PSPC1: variants seen among roughly 807,000 people sequenced by gnomAD.
The protein encoded by PSPC1 is paraspeckle component 1, also known as paraspeckle protein 1.
In PSPC1, 14 loss-of-function variants were observed where a neutral mutation model predicts 51.6. The ratio of observed to expected loss-of-function variants is 0.27; its 90% CI spans 0.18 to 0.42. The LOEUF (loss-of-function observed/expected upper bound fraction) is 0.42. Among genes scored for constraint, PSPC1 ranks in the 10% least tolerant of loss-of-function variants. The pLI, the probability that PSPC1 is intolerant of heterozygous loss-of-function variation, is 1.00. For missense variants in PSPC1, 406 were observed against 701.1 expected (o/e 0.58, Z 4.75); for synonymous variants, 193 against 231.9 (o/e 0.83, Z 1.53).
rs377365082 is a variant in PSPC1, at chr13:19,741,435, G to T, written c.1052+130C>A. The T allele has an allele frequency of 3.2e-5, 20 of 618,422 alleles. No homozygotes were observed. The African/African-American group carries it at 3.5e-4, about 11-fold the overall frequency. 38.3% of individuals were successfully genotyped at this position (618,422 alleles called of 1,614,324 possible). ...ATGCTACATTATGAAGTAATTCACTGTATGTGGTTAAAATGGGCAATTTTT... is the reference window on the plus strand; with the variant it reads ...ATGCTACATTATGAAGTAATTCACTTTATGTGGTTAAAATGGGCAATTTTT... On this transcript the variant is annotated intron_variant, in intron 5 of 8. Coordinates refer to ENST00000338910, the MANE Select transcript of PSPC1 (RefSeq NM_001354909.2).
intron 2 of PSPC1, 92 bp from the exon 3 acceptor site, chr13:19,759,510 T>C: frequency 2.3e-6 from 2 of 876,188 alleles, no homozygotes; most frequent in Non-Finnish European, 3.5e-6. Context: ...TAAAGATATA[T>C]ACTTAGAAAA....
At chr13:19,700,205 T>A (rs1879737477), downstream of PSPC1, among the ~76,000 whole-genome samples, 1 of 152,094 alleles carries the variant, frequency 6.6e-6, no homozygotes, top group South Asian at 2.1e-4. Flanking sequence ...TTAGAGACTC[T>A]ACATATAAGT....
chr13:19,712,944 C>A (rs1162155979), intron 6 of PSPC1, among the ~76,000 whole-genome samples: 11 of 152,034 alleles, frequency 7.2e-5, no homozygotes, highest in African/African-American at 2.4e-4. Flanking sequence ...AGAAAACCAC[C>A]GCTACAAACT....
At chr13:19,780,302 T>G (rs1360607543) in intron 1 of PSPC1, among the ~76,000 whole-genome samples, 5 of 138,398 alleles carry the variant, frequency 3.6e-5, no homozygotes, top group African/African-American at 1.3e-4. Context: ...CCACCCCGTC[T>G]GGGAGGTGTG....
At chr13:19,760,627 G>A (rs972426551) in intron 2 of PSPC1, among the ~76,000 whole-genome samples, 2 of 152,082 alleles carry the variant, frequency 1.3e-5, no homozygotes, top group Non-Finnish European at 2.9e-5. Flanking sequence ...CAGAGGCGGG[G>A]AAGATGGCTT....
chr13:19,767,551 T>C (rs1166948150), intron 2 of PSPC1, among the ~76,000 whole-genome samples: 1 of 152,146 alleles, frequency 6.6e-6, no homozygotes, highest in East Asian at 1.9e-4. Context: ...TGGATGATTA[T>C]ACTACCTGAT....
chr13:19,692,017 C>A (rs766867975), intron 6 of PSPC1, among the ~76,000 whole-genome samples: 1 of 152,090 alleles, frequency 6.6e-6, no homozygotes, highest in African/African-American at 2.4e-5. Flanking sequence ...GTTGGAAAGG[C>A]GGACCAAATC....
intron 4 of PSPC1, among the ~76,000 whole-genome samples, chr13:19,745,619 A>ATTT (rs1162271178): frequency 1.4e-5 from 2 of 140,754 alleles, no homozygotes; most frequent in African/African-American, 2.6e-5. Flanking sequence ...CACTGAATTA[A>ATTT]TTTTTTTTTT....
At chr13:19,694,345 A>G (rs111292764) in intron 6 of PSPC1, among the ~76,000 whole-genome samples, 313 of 152,168 alleles carry the variant, frequency 2.1e-3, no homozygotes, top group Non-Finnish European at 3.4e-3. Flanking sequence ...GCCAAGAAAA[A>G]TATTTCAAAC....
rs764181119 is a variant in PSPC1 at position 19,730,354 on chromosome 13, T to G, written c.1053-10A>C. Reference sequence around the variant, plus strand: ...ATGCTCCTCTTCATGTCTGAAAATTTTTCAAATAAAAATTTCAGCATCATA... The same window carrying G: ...ATGCTCCTCTTCATGTCTGAAAATTGTTCAAATAAAAATTTCAGCATCATA... On this transcript the variant is annotated splice_polypyrimidine_tract_variant and intron_variant, in intron 5 of 8. Coordinates refer to ENST00000338910, the MANE Select transcript of PSPC1 (RefSeq NM_001354909.2). 1 of 1,613,248 alleles carries G rather than the reference T, an allele frequency of 6.2e-7. No individual in the cohort carries two copies. The highest frequency in any genetic ancestry group is 2.2e-5 in the East Asian group (1 of 44,864).
At chr13:19,701,095 T>C (rs1185034672), downstream of PSPC1, among the ~76,000 whole-genome samples, 2 of 152,126 alleles carry the variant, frequency 1.3e-5, no homozygotes, top group African/African-American at 4.8e-5. Context: ...TAGAACTCTG[T>C]TCTTGGTGCC....
At chr13:19,693,903 C>G (rs1341865284) in intron 6 of PSPC1, among the ~76,000 whole-genome samples, 2 of 152,142 alleles carry the variant, frequency 1.3e-5, no homozygotes, top group South Asian at 4.1e-4. Context: ...ATGGGCGGAT[C>G]ACGAGGTCAG....
At chr13:19,769,446 TC>T (rs1888405863) in intron 2 of PSPC1, among the ~76,000 whole-genome samples, 1 of 152,116 alleles carries the variant, frequency 6.6e-6, no homozygotes, top group African/African-American at 2.4e-5. Flanking sequence ...TCCCAGCTAC[TC>T]GGGAGGCTGA....
At chr13:19,754,770 T>C (rs1343152535) in intron 3 of PSPC1, among the ~76,000 whole-genome samples, 1 of 152,052 alleles carries the variant, frequency 6.6e-6, no homozygotes, top group East Asian at 1.9e-4. Context: ...GCTGATATCA[T>C]TAACTATATA....
At chr13:19,713,626 T>C (rs1881729856) in intron 6 of PSPC1, among the ~76,000 whole-genome samples, 1 of 151,542 alleles carries the variant, frequency 6.6e-6, no homozygotes, top group South Asian at 2.1e-4. Context: ...GCGGTATTTA[T>C]AAGATTGTAT....
intron 3 of PSPC1, among the ~76,000 whole-genome samples, chr13:19,756,693 G>A (rs954383104): frequency 2.6e-4 from 39 of 151,850 alleles, no homozygotes; most frequent in African/African-American, 7.2e-4. Flanking sequence ...AGAGACGGGG[G>A]TTTCACCATG....
rs137989590 is a variant in PSPC1, at chr13:19,749,326, C to T, written c.967+1945G>A. Among the ~76,000 whole-genome samples, 336 of 151,972 alleles carry T rather than the reference C, an allele frequency of 2.2e-3. 1 individual carries two copies. The highest frequency in any genetic ancestry group is 6.0e-3 in the African/African-American group (248 of 41,500). On this transcript the variant is annotated intron_variant, in intron 4 of 8. Coordinates refer to ENST00000338910, the MANE Select transcript of PSPC1 (RefSeq NM_001354909.2). Reference sequence around the variant, plus strand: ...TCACACCAATGCACTCCAGCCTGGGCGACAACAGTGAGACTCCATCTCAAA... The same window carrying T: ...TCACACCAATGCACTCCAGCCTGGGTGACAACAGTGAGACTCCATCTCAAA...
At chr13:19,671,976 C>T (rs1158693360), downstream of PSPC1, 1 of 1,215,048 alleles carries the variant, frequency 8.2e-7, no homozygotes, top group Non-Finnish European at 1.2e-6. Context: ...AAAGTTTTGT[C>T]TGTAAACCTC....
At chr13:19,678,772 TTTGAGAGAGGGTC>T (rs1468754895) in intron 6 of PSPC1, 2 of 152,246 alleles carry the variant, frequency 1.3e-5, no homozygotes, top group Non-Finnish European at 2.9e-5. Context: ...TTGTTTTTGT[TTTGAGAGAGGGTC>T]TCACTTTGTC....
Sources: gnomAD v4.1 joint callset for allele counts (sites outside exome capture counted in the v4.1 genomes callset) on GRCh38, gnomAD v4.1.1 for gene constraint, MANE v1.5 for transcripts, NCBI Gene and HGNC (gene_info 2026-07-23, HGNC 2026-07-21) for gene names.